TMEM114: variants seen among roughly 807,000 people sequenced by gnomAD.
TMEM114 encodes transmembrane protein 114.
TMEM114 carries 6 observed loss-of-function variants against 6.2 expected under a neutral mutation model. The observed-to-expected ratio is 0.97, with a 90% CI of 0.53 to 1.91. TMEM114 has a LOEUF of 1.91. Among genes scored for constraint, TMEM114 ranks in the 40% most tolerant of loss-of-function variants. The pLI, the probability that TMEM114 is intolerant of heterozygous loss-of-function variation, is 0.01. For synonymous variants in TMEM114, 104 were observed against 73.0 expected (o/e 1.42, Z -2.16); for missense variants, 218 against 158.3 (o/e 1.38, Z -2.02).
At chr16:8,550,232 A>G (rs1167511494) in intron 2 of TMEM114, among the ~76,000 whole-genome samples, 1 of 152,188 alleles carries the variant, frequency 6.6e-6, no homozygotes. Context: ...CTACCAGTCC[A>G]CTGACTCAAA....
At chr16:8,539,985 T>C (rs1294369729) in intron 2 of TMEM114, among the ~76,000 whole-genome samples, 1 of 151,840 alleles carries the variant, frequency 6.6e-6, no homozygotes, top group East Asian at 1.9e-4. Flanking sequence ...GCCTGGCTGA[T>C]TTTTGTATTT....
intron 2 of TMEM114, among the ~76,000 whole-genome samples, chr16:8,579,848 A>G (rs752247371): frequency 2.0e-5 from 3 of 152,208 alleles, no homozygotes; most frequent in East Asian, 1.9e-4. Flanking sequence ...AGATTACAAA[A>G]GAAGTGGACA....
At position 8,562,688 on chromosome 16, in the gene TMEM114, GGGAA is replaced by G. The variant is rs1362931185; in HGVS notation, n.213-24866_213-24863del. On this transcript the variant is annotated intron_variant and non_coding_transcript_variant, in intron 2 of 2. Transcript: ENST00000623677. ...AATTAGTGAGGGAATGAGTGAGTGA[GGGAA>G]TGAGTGAGTGAGTAAATGAGTGAGT... is the stretch of plus-strand genomic sequence containing the variant. 8.8e-3 allele frequency among the ~76,000 whole-genome samples: 1,301 copies of G among 147,646 alleles called. 45 individuals carry two copies. The highest frequency in any genetic ancestry group is 0.031 in the African/African-American group (1,250 of 40,550).
intron 2 of TMEM114, among the ~76,000 whole-genome samples, chr16:8,582,463 G>C (rs1413300168): frequency 6.6e-6 from 1 of 152,230 alleles, no homozygotes; most frequent in African/African-American, 2.4e-5. Context: ...AAGAGGCAAT[G>C]TTGGATAGCA....
In TMEM114 at chr16:8,588,935, G is replaced by A. The variant is rs889563596; in HGVS notation, c.301+278C>T. On this transcript the variant is annotated intron_variant, in intron 2 of 3. Transcript: ENST00000620492. ...GTCCCAGCACCACTGTGAGCCCCTT[G>A]AGGGGATGGCCTGTGTCTTAACCAT... Among the ~76,000 whole-genome samples the A allele has an allele frequency of 4.5e-3, 680 of 152,344 alleles. 7 individuals are homozygous for A. Among genetic ancestry groups the A allele is most frequent in the African/African-American group, 0.016 (653 of 41,584 alleles).
chr16:8,581,881 C>T (rs2141697407), intron 2 of TMEM114, among the ~76,000 whole-genome samples: 1 of 152,320 alleles, frequency 6.6e-6, no homozygotes, highest in South Asian at 2.1e-4. Flanking sequence ...GATCCACAGG[C>T]ACCTGCTCCT....
chr16:8,568,755 G>A (rs1411452734), downstream of TMEM114, among the ~76,000 whole-genome samples: 1 of 152,184 alleles, frequency 6.6e-6, no homozygotes, highest in East Asian at 1.9e-4. Context: ...TCTCAGCCAT[G>A]GTTTTGGGTT....
At position 8,572,163 on chromosome 16, in the gene TMEM114, C is replaced by A. The variant is rs1901755722; in HGVS notation, c.363G>T (p.Gly121=). The change falls in exon 3 of 4, where the codon GGG becomes GGT. Residue 121 remains glycine, a synonymous_variant. Coordinates refer to ENST00000620492, the MANE Select transcript of TMEM114 (RefSeq NM_001146336.2). ...PLSLILMVFG[G]MTGFLSFLLQ... ...GGAGGAAGCTCAGAAACCCCGTCAT[C>A]CCCCCAAAAACCATCAGGATCAGGC... 2 of 1,551,442 alleles carry A rather than the reference C, an allele frequency of 1.3e-6. No individual in the cohort carries two copies. Among genetic ancestry groups the A allele is most frequent in the Non-Finnish European group, 1.7e-6 (2 of 1,146,956 alleles).
intron 2 of TMEM114, among the ~76,000 whole-genome samples, chr16:8,578,518 C>G (rs957236554): frequency 2.6e-5 from 4 of 152,162 alleles, no homozygotes; most frequent in African/African-American, 7.2e-5. Flanking sequence ...TGAATTACAC[C>G]TGCAAAGATG....
chr16:8,557,847 T>G (rs929518330), intron 2 of TMEM114, among the ~76,000 whole-genome samples: 1 of 152,228 alleles, frequency 6.6e-6, no homozygotes, highest in Admixed American at 6.5e-5. Flanking sequence ...TAAAATAATC[T>G]TGTGATATAG....
the TMEM114 span, chr16:8,532,111 G>C: frequency 1.3e-5 from 2 of 152,172 alleles, no homozygotes; most frequent in Non-Finnish European, 2.9e-5. Flanking sequence ...GTGGTACTAC[G>C]TAGGGTTCAG....
Position 8,589,285 on chromosome 16 carries a change from G to A in TMEM114, c.229C>T (p.Pro77Ser). The A allele has an allele frequency of 2.5e-6, 1 of 398,800 alleles. No homozygotes were observed. 24.7% of individuals were successfully genotyped at this position (398,800 alleles called of 1,614,324 possible). A position where few individuals can be genotyped will look rare whatever the true frequency, so the allele number is the denominator to read the frequency against. ...GLWRTCRVQS[P>S]CTPLMNPFRL... Reference sequence around the variant, plus strand: ...AAGGGGTTCATCAGCGGTGTGCACGGGCTCTGCACTGGATAGGACGGAGGA... The same window carrying A: ...AAGGGGTTCATCAGCGGTGTGCACGAGCTCTGCACTGGATAGGACGGAGGA... The change falls in exon 2 of 4, where the codon CCG becomes TCG. Residue 77 changes from proline (P) to serine (S), a missense_variant. Physicochemically the swap from Pro to Ser is moderately conservative, Grantham distance 74. Transcript: ENST00000620492.
At chr16:8,565,026 T>G (rs1197077194), downstream of TMEM114, among the ~76,000 whole-genome samples, 2 of 151,476 alleles carry the variant, frequency 1.3e-5, no homozygotes, top group African/African-American at 4.9e-5. Flanking sequence ...AATACATGAG[T>G]GAGTGAATGA....
At chr16:8,549,168 C>T (rs1398420135) in intron 2 of TMEM114, among the ~76,000 whole-genome samples, 26 of 116,526 alleles carry the variant, frequency 2.2e-4, no homozygotes, top group South Asian at 2.7e-4. Context: ...GGCAACAGAA[C>T]GAGACTCCAT....
intron 2 of TMEM114, among the ~76,000 whole-genome samples, chr16:8,540,475 C>A (rs1900485117): frequency 6.6e-6 from 1 of 152,154 alleles, no homozygotes; most frequent in African/African-American, 2.4e-5. Context: ...AGTAAAATAG[C>A]TGGTATATAG....
At chr16:8,577,328 C>A (rs1379297586) in intron 2 of TMEM114, among the ~76,000 whole-genome samples, 1 of 152,192 alleles carries the variant, frequency 6.6e-6, no homozygotes, top group Non-Finnish European at 1.5e-5. Flanking sequence ...CTGCGCTGGA[C>A]TCAAAAGCAA....
downstream of TMEM114, among the ~76,000 whole-genome samples, chr16:8,533,771 C>G (rs1343817842): frequency 6.6e-6 from 1 of 152,226 alleles, no homozygotes; most frequent in African/African-American, 2.4e-5. Context: ...CATAGACCAG[C>G]TTACCGAAAA....
intron 2 of TMEM114, among the ~76,000 whole-genome samples, chr16:8,547,376 CTT>C (rs1412933809): frequency 1.9e-3 from 123 of 63,348 alleles, no homozygotes; most frequent in African/African-American, 9.4e-3. Context: ...GACGCGCTTT[CTT>C]TCTTTCTTTC....
intron 2 of TMEM114, among the ~76,000 whole-genome samples, chr16:8,552,705 G>C (rs1181722634): frequency 2.1e-5 from 3 of 145,632 alleles, no homozygotes; most frequent in Non-Finnish European, 4.5e-5. Context: ...AAAATAAATA[G>C]GAAAAAAAAA....
Sources: allele counts gnomAD v4.1 joint callset (sites outside exome capture counted in the v4.1 genomes callset), GRCh38; gene constraint gnomAD v4.1.1; transcripts MANE v1.5; gene names NCBI Gene and HGNC (gene_info 2026-07-23, HGNC 2026-07-21).